Variants in ARHGEF5 observed in about 807,000 individuals in gnomAD.
ARHGEF5 encodes the protein Rho guanine nucleotide exchange factor (GEF) 5.
In ARHGEF5, 11 loss-of-function variants were observed where a neutral mutation model predicts 104.0. The ratio of observed to expected loss-of-function variants is 0.11; its 90% confidence interval spans 0.07 to 0.18. The LOEUF is 0.18. Among genes scored for constraint, ARHGEF5 ranks in the 10% least tolerant of loss-of-function variants. The pLI is 1.00. For missense variants in ARHGEF5, 165 were observed against 1,335.4 expected (o/e 0.12, Z 13.66); for synonymous variants, 60 against 512.2 (o/e 0.12, Z 11.92).
intron 1 of ARHGEF5, among the ~76,000 whole-genome samples, chr7:144,358,868 GAC>G (rs2053616722): frequency 8.3e-6 from 1 of 120,326 alleles, no homozygotes; most frequent in Non-Finnish European, 1.8e-5. Flanking sequence ...GCCTGGACCA[GAC>G]AAGAAAGGTG....
At chr7:144,378,521 A>C (rs150998461) in intron 13 of ARHGEF5, among the ~76,000 whole-genome samples, 71 of 152,312 alleles carry the variant, frequency 4.7e-4, no homozygotes, top group Non-Finnish European at 8.5e-4. Context: ...CAGGTATTTG[A>C]GATGATCACA....
chr7:144,364,277 GC>G lies in ARHGEF5; in HGVS notation c.1613del (p.Pro538GlnfsTer107). On this transcript the variant is annotated frameshift_variant, in exon 2 of 15. Coordinates refer to ENST00000056217, the MANE Select transcript of ARHGEF5 (RefSeq NM_005435.4). LOFTEE classifies it high-confidence loss of function. ...TCACACCTGCCTCGGTATCTGCCAG[GC>G]CCCCAGTTGCCTTTCCCAGGAGGGA... ...PITPASVSAR[P>X]PVAFPRRETS... 3 of 566,616 alleles carry G rather than the reference GC, an allele frequency of 5.3e-6. No individual in the cohort carries two copies. The highest frequency in any genetic ancestry group is 8.5e-4 in the Middle Eastern group (2 of 2,366). 35.1% of individuals were successfully genotyped at this position (566,616 alleles called of 1,614,324 possible). A position where few individuals can be genotyped will look rare whatever the true frequency, so the allele number is the denominator to read the frequency against.
At chr7:144,374,033 G>A (rs1327918621) in intron 10 of ARHGEF5, among the ~76,000 whole-genome samples, 6 of 112,836 alleles carry the variant, frequency 5.3e-5, no homozygotes, top group South Asian at 3.3e-4. Context: ...GTAGAGATGG[G>A]GTTTCACCAT....
intron 13 of ARHGEF5, 147 bp from the exon 14 acceptor site, chr7:144,378,615 T>G (rs2053777913): frequency 1.6e-6 from 1 of 640,366 alleles, no homozygotes; most frequent in Non-Finnish European, 2.7e-6. Flanking sequence ...TATTAACCAT[T>G]TTCAAATTTC....
At chr7:144,378,925 G>T in intron 14 of ARHGEF5, 59 bp downstream of exon 14, 1 of 1,508,782 alleles carries the variant, frequency 6.6e-7, no homozygotes, top group Non-Finnish European at 9.2e-7. Context: ...AGTGCTGGGA[G>T]TGTGTTCACT....
Position 144,365,108 on chromosome 7 carries a change from ACC to A in ARHGEF5, c.2443_2444del (p.Pro815TyrfsTer3). 1 of 1,376,490 alleles carries A rather than the reference ACC, an allele frequency of 7.3e-7. No homozygotes were observed. The highest frequency in any genetic ancestry group is 1.0e-6 in the Non-Finnish European group (1 of 1,003,454). The allele number at this position is 1,376,490 out of a possible 1,614,324, so 85.3% of individuals were successfully genotyped here. On this transcript the variant is annotated frameshift_variant, in exon 2 of 15. Transcript: ENST00000056217. LOFTEE classifies it high-confidence loss of function. The part of the protein sequence containing the change: ...TPRWRYNKPL[P>X]PTPDLPQPHL... ...CCAGGTGGAGATACAACAAGCCGCT[ACC>A]CCCTACCCCTGATTTGCCGCAGCCC...
intron 10 of ARHGEF5, among the ~76,000 whole-genome samples, chr7:144,373,561 G>A (rs1451993207): frequency 2.0e-5 from 2 of 100,712 alleles, no homozygotes; most frequent in Non-Finnish European, 4.2e-5. Context: ...GCTTGTGTGT[G>A]CATAAGGAAA....
At position 144,378,763 on chromosome 7, in the gene ARHGEF5, C is replaced by G. The variant is rs143643689; in HGVS notation, c.4533C>G (p.Asn1511Lys). Residue 1511 changes from asparagine to lysine, a missense_variant and splice_region_variant, in exon 14 of 15, where the codon AAC (asparagine) becomes AAG (lysine). Coordinates refer to ENST00000056217, the MANE Select transcript of ARHGEF5 (RefSeq NM_005435.4). ...TCTTCACACTCTTCTCTTCCAAAGA[C>G]TCCCCCCAGGTACAGTGCCTTCGAG... ...REELDLLECY[N>K]SPQVQCLRAY... 1 of 1,613,638 alleles carries G rather than the reference C, an allele frequency of 6.2e-7. No homozygotes were observed. The highest frequency in any genetic ancestry group is 8.5e-7 in the Non-Finnish European group (1 of 1,179,680).
At chr7:144,358,572 T>C (rs1446886831) in intron 1 of ARHGEF5, among the ~76,000 whole-genome samples, 1 of 43,826 alleles carries the variant, frequency 2.3e-5, no homozygotes, top group African/African-American at 9.8e-5. Flanking sequence ...GTCAGTTAAC[T>C]GGAAAAGGAC....
chr7:144,360,995 C>A lies in ARHGEF5; in HGVS notation c.-12-1663C>A, dbSNP rs1359582961. 2.7e-5 allele frequency among the ~76,000 whole-genome samples: 4 copies of A among 145,472 alleles called. 2 individuals are homozygous for A. Among genetic ancestry groups the A allele is most frequent in the Non-Finnish European group, 6.1e-5 (4 of 65,200 alleles). On this transcript the variant is annotated intron_variant, in intron 1 of 14. Coordinates refer to ENST00000056217, the MANE Select transcript of ARHGEF5 (RefSeq NM_005435.4). Reference sequence around the variant, plus strand: ...CTATAATCACAACACTTCGGGAGGCCGAGGCGGGTGGATAACGAGGTCAGG... The same window carrying A: ...CTATAATCACAACACTTCGGGAGGCAGAGGCGGGTGGATAACGAGGTCAGG...
At chr7:144,359,865 G>T (rs544256488) in intron 1 of ARHGEF5, among the ~76,000 whole-genome samples, 4 of 144,496 alleles carry the variant, frequency 2.8e-5, no homozygotes, top group African/African-American at 1.0e-4. Flanking sequence ...CTTAGGTGCT[G>T]TATGGAGAAA....
At chr7:144,357,513 A>G (rs2053605583) in intron 1 of ARHGEF5, among the ~76,000 whole-genome samples, 1 of 146,948 alleles carries the variant, frequency 6.8e-6, no homozygotes, top group Non-Finnish European at 1.5e-5. Flanking sequence ...CTATGTGGTG[A>G]TCTTATTTTA....
rs200654855 is a variant in ARHGEF5, at chr7:144,379,986, G to C, written c.4724G>C (p.Arg1575Pro). ...QVEFISNPEV[R>P]AQNLKEAHRV... ...GAGTTCATTTCCAACCCAGAGGTCC[G>C]TGCACAGAACCTGAAGGAAGCTCAT... The change falls in exon 15 of 15, where the codon CGT becomes CCT. Residue 1575 changes from arginine to proline, a missense_variant. Physicochemically the swap from Arg to Pro is moderately radical, Grantham distance 103. Coordinates refer to ENST00000056217, the MANE Select transcript of ARHGEF5 (RefSeq NM_005435.4). The C allele has an allele frequency of 6.2e-7, 1 of 1,614,172 alleles. No individual in the cohort carries two copies. The highest frequency in any genetic ancestry group is 8.5e-7 in the Non-Finnish European group (1 of 1,180,034).
At chr7:144,379,634 T>C (rs2053786134) in intron 14 of ARHGEF5, among the ~76,000 whole-genome samples, 1 of 152,182 alleles carries the variant, frequency 6.6e-6, no homozygotes, top group Admixed American at 6.5e-5. Context: ...AGGTCACATT[T>C]TGAGGTATAG....
chr7:144,379,458 C>T (rs1172165677), intron 14 of ARHGEF5, among the ~76,000 whole-genome samples: 2 of 152,118 alleles, frequency 1.3e-5, no homozygotes, highest in African/African-American at 2.4e-5. Flanking sequence ...AGTCCACCCA[C>T]CTCGGCCTCC....
At chr7:144,370,506 C>T (rs1341794602) in intron 5 of ARHGEF5, among the ~76,000 whole-genome samples, 2 of 148,610 alleles carry the variant, frequency 1.3e-5, no homozygotes, top group Non-Finnish European at 3.0e-5. Flanking sequence ...TTCACTCTGT[C>T]ACCAGGCTGA....
chr7:144,380,212 C>T lies in ARHGEF5; in HGVS notation c.*156C>T, dbSNP rs569308857. ...AGCTAACCCAGTCCCTCGGCCCAGG[C>T]CTCCTTTCGTGCTTTGTGCTTGGTG... On this transcript the variant is annotated 3_prime_UTR_variant, in exon 15 of 15. Coordinates refer to ENST00000056217, the MANE Select transcript of ARHGEF5 (RefSeq NM_005435.4). The T allele has an allele frequency of 1.1e-3, 1,028 of 939,172 alleles. 3 individuals are homozygous for T. The highest frequency in any genetic ancestry group is 1.7e-3 in the South Asian group (97 of 56,602). 58.2% of individuals were successfully genotyped at this position (939,172 alleles called of 1,614,324 possible).
chr7:144,365,102 G>GCCGCTAC lies in ARHGEF5; in HGVS notation c.2436_2442dup (p.Pro815AlafsTer6), dbSNP rs2053679580. The GCCGCTAC allele has an allele frequency of 2.2e-6, 3 of 1,368,460 alleles. No homozygotes were observed. Among genetic ancestry groups the GCCGCTAC allele is most frequent in the Non-Finnish European group, 2.0e-6 (2 of 996,698 alleles). 84.8% of individuals were successfully genotyped at this position (1,368,460 alleles called of 1,614,324 possible). On this transcript the variant is annotated frameshift_variant, in exon 2 of 15. Transcript: ENST00000056217. LOFTEE classifies it high-confidence loss of function. The stretch of plus-strand genomic sequence containing the variant: ...CCACCCCCAGGTGGAGATACAACAA[G>GCCGCTAC]CCGCTACCCCCTACCCCTGATTTGC...
chr7:144,377,009 T>C (rs1244244457), intron 12 of ARHGEF5, 111 bp from the exon 13 acceptor site: 2 of 538,552 alleles, frequency 3.7e-6, no homozygotes, highest in Non-Finnish European at 6.5e-6. Flanking sequence ...TAGTGTTTGA[T>C]AGAAGTCATG....
Sources: gnomAD v4.1 joint callset for allele counts (sites outside exome capture counted in the v4.1 genomes callset) on GRCh38, gnomAD v4.1.1 for gene constraint, MANE v1.5 for transcripts, NCBI Gene and HGNC (gene_info 2026-07-23, HGNC 2026-07-21) for gene names.